ABCG2: variants seen among roughly 807,000 people sequenced by gnomAD.
ABCG2 encodes broad substrate specificity ATP-binding cassette transporter ABCG2.
In ABCG2, 80 loss-of-function variants were observed where a neutral mutation model predicts 73.5. The observed-to-expected ratio is 1.09, with a 90% confidence interval of 0.91 to 1.31. The LOEUF (loss-of-function observed/expected upper bound fraction) is 1.31, where lower values mean the gene tolerates loss of function less well. Among genes scored for constraint, ABCG2 ranks in the 50% most tolerant of loss-of-function variants. ABCG2 has a pLI of 0.00. For missense variants in ABCG2, 796 were observed against 786.2 expected (o/e 1.01, Z -0.15); for synonymous variants, 269 against 282.4 (o/e 0.95, Z 0.48).
At chr4:88,146,692 C>A (rs767707962) in intron 1 of ABCG2, among the ~76,000 whole-genome samples, 7 of 152,082 alleles carry the variant, frequency 4.6e-5, no homozygotes, top group Non-Finnish European at 8.8e-5. Context: ...CCGTGCTTGG[C>A]TAAAACCTGT....
intron 15 of ABCG2, 60 bp from the exon 16 acceptor site, chr4:88,092,441 G>T: frequency 1.3e-6 from 2 of 1,548,286 alleles, no homozygotes; most frequent in Non-Finnish European, 1.7e-6. Flanking sequence ...ATGTTACTCA[G>T]TATATCCACT....
At chr4:88,131,249 T>G in intron 4 of ABCG2, 36 bp from the exon 5 acceptor site, 1 of 1,601,382 alleles carries the variant, frequency 6.2e-7, no homozygotes, top group Non-Finnish European at 8.5e-7. Context: ...GACATAATGA[T>G]AATGAGTCTT....
chr4:88,194,133 T>G (rs1578268972), intron 1 of ABCG2, among the ~76,000 whole-genome samples: 1 of 152,226 alleles, frequency 6.6e-6, no homozygotes, highest in Non-Finnish European at 1.5e-5. Flanking sequence ...AGAGTGCTCT[T>G]TGCCTTTTCC....
At chr4:88,147,054 G>GAAAGAAAGAAAA (rs1560713877) in intron 1 of ABCG2, among the ~76,000 whole-genome samples, 1 of 82,256 alleles carries the variant, frequency 1.2e-5, no homozygotes, top group African/African-American at 6.7e-5. Flanking sequence ...AGAAAAGAAA[G>GAAAGAAAGAAAA]GTAAAGGAAA....
intron 1 of ABCG2, among the ~76,000 whole-genome samples, chr4:88,177,233 G>A (rs1269739675): frequency 6.6e-6 from 1 of 151,842 alleles, no homozygotes; most frequent in Non-Finnish European, 1.5e-5. Flanking sequence ...AAATTAGCCA[G>A]CATGGTGGCA....
At chr4:88,154,328 A>G (rs1225911699) in intron 1 of ABCG2, among the ~76,000 whole-genome samples, 1 of 152,222 alleles carries the variant, frequency 6.6e-6, no homozygotes, top group African/African-American at 2.4e-5. Context: ...CATTAATGAT[A>G]GAGGACCCTT....
rs139276823 is a variant in ABCG2, at chr4:88,133,586, G to A, written c.204-951C>T. On this transcript the variant is annotated intron_variant, in intron 2 of 15. Coordinates refer to ENST00000237612, the MANE Select transcript of ABCG2 (RefSeq NM_004827.3). ...TCTGAGGGTAGTGAATATTCAGATA[G>A]AGAAGGAAGGTGGAAAAAATTATGG... Among the ~76,000 whole-genome samples, 290 of 152,320 alleles carry A rather than the reference G, an allele frequency of 1.9e-3. 4 individuals carry two copies. Among genetic ancestry groups the A allele is most frequent in the African/African-American group, 6.6e-3 (276 of 41,566 alleles).
chr4:88,150,249 A>T (rs1248514218), intron 1 of ABCG2, among the ~76,000 whole-genome samples: 3 of 152,198 alleles, frequency 2.0e-5, no homozygotes, highest in Non-Finnish European at 4.4e-5. Context: ...CCCGGGAGGC[A>T]GAGATTGCAG....
At chr4:88,229,216 G>T (rs997111678) in intron 1 of ABCG2, among the ~76,000 whole-genome samples, 1 of 152,156 alleles carries the variant, frequency 6.6e-6, no homozygotes, top group African/African-American at 2.4e-5. Flanking sequence ...AGAACCCACC[G>T]GAAAGAACCA....
chr4:88,100,145 T>TA (rs1722291192), intron 11 of ABCG2, among the ~76,000 whole-genome samples: 2 of 145,518 alleles, frequency 1.4e-5, no homozygotes, highest in Non-Finnish European at 3.0e-5. Context: ...CCTTGAAAAA[T>TA]ACCCAGCCTG....
intron 1 of ABCG2, among the ~76,000 whole-genome samples, chr4:88,142,155 A>G (rs1725691368): frequency 6.6e-6 from 1 of 152,100 alleles, no homozygotes; most frequent in South Asian, 2.1e-4. Context: ...ATGGGATAAG[A>G]TGAAAAAGGT....
At chr4:88,105,046 C>T (rs1384500253) in intron 10 of ABCG2, among the ~76,000 whole-genome samples, 2 of 152,092 alleles carry the variant, frequency 1.3e-5, no homozygotes, top group Admixed American at 6.5e-5. Context: ...ATGGCATCTA[C>T]ACAGCACACA....
intron 1 of ABCG2, among the ~76,000 whole-genome samples, chr4:88,187,539 G>T (rs1728515259): frequency 6.6e-6 from 1 of 151,896 alleles, no homozygotes; most frequent in Non-Finnish European, 1.5e-5. Flanking sequence ...CTTGAACCCA[G>T]GAGTCAGAGG....
intron 1 of ABCG2, chr4:88,223,573 T>G (rs2110132541): frequency 6.6e-6 from 1 of 152,356 alleles, no homozygotes; most frequent in Non-Finnish European, 1.5e-5. Context: ...TCCCCAGCCC[T>G]GTGGAACTGT....
At chr4:88,198,001 G>T (rs1250532830) in intron 1 of ABCG2, among the ~76,000 whole-genome samples, 1 of 147,390 alleles carries the variant, frequency 6.8e-6, no homozygotes, top group Non-Finnish European at 1.5e-5. Context: ...CTGCACTCCA[G>T]CCTGAGTGAC....
intron 12 of ABCG2, 112 bp from the exon 13 acceptor site, chr4:88,097,719 GA>G (rs1281411518): frequency 1.1e-5 from 13 of 1,231,710 alleles, no homozygotes; most frequent in South Asian, 7.9e-5. Context: ...ATATTAGAAT[GA>G]AAAAAAGTCA....
chr4:88,202,354 T>TATATACATATATATATATATATA (rs1553945717), intron 1 of ABCG2, among the ~76,000 whole-genome samples: 1 of 62,084 alleles, frequency 1.6e-5, no homozygotes, highest in Admixed American at 2.4e-4. Flanking sequence ...CTACAATTAT[T>TATATACATATATATATATATATA]TATATATATA....
At chr4:88,193,494 C>T (rs1424605149) in intron 1 of ABCG2, among the ~76,000 whole-genome samples, 2 of 152,118 alleles carry the variant, frequency 1.3e-5, no homozygotes, top group African/African-American at 4.8e-5. Flanking sequence ...GTACTTGCAT[C>T]AATAACTATA....
At chr4:88,198,566 G>C (rs1435858689) in intron 1 of ABCG2, among the ~76,000 whole-genome samples, 1 of 152,068 alleles carries the variant, frequency 6.6e-6, no homozygotes, top group Non-Finnish European at 1.5e-5. Flanking sequence ...CCAGGAGTTT[G>C]AGGCTGCAGT....
Sources: gnomAD v4.1 joint callset for allele counts (sites outside exome capture counted in the v4.1 genomes callset) on GRCh38, gnomAD v4.1.1 for gene constraint, MANE v1.5 for transcripts, NCBI Gene and HGNC (gene_info 2026-07-23, HGNC 2026-07-21) for gene names.